Variants in PFKL observed in about 807,000 individuals in gnomAD.
PFKL encodes the protein phosphofructokinase, liver type, also known as ATP-dependent 6-phosphofructokinase, liver type.
Under a neutral mutation model 92.1 loss-of-function variants are expected in PFKL, and 74 were observed. The observed-to-expected ratio is 0.80, with a 90% CI of 0.67 to 0.97. PFKL has a LOEUF of 0.97. Among genes scored for constraint, PFKL ranks in the 50% least tolerant of loss-of-function variants. The pLI, the probability that PFKL is intolerant of heterozygous loss-of-function variation, is 0.00. For missense variants in PFKL, 1,028 were observed against 1,116.6 expected, an observed-to-expected ratio of 0.92 and a Z score of 1.13; for synonymous variants, 494 against 456.4, an observed-to-expected ratio of 1.08 and a Z score of -1.05.
Position 44,305,712 on chromosome 21 carries a change from G to A in PFKL, c.86-969G>A, listed in dbSNP as rs116235911. ...TTGTATGAAGTCATGGATATCTTTT[G>A]AGATGGGGGCTCTCGGGAAGAAGGT... On this transcript the variant is annotated intron_variant, in intron 1 of 21. Transcript: ENST00000349048. The A allele has an allele frequency of 2.0e-3, 2,511 of 1,247,712 alleles. 42 individuals are homozygous for A. In the African/African-American group the frequency reaches 0.035, roughly 18 times the overall value. The allele number at this position is 1,247,712 out of a possible 1,614,324, so 77.3% of individuals were successfully genotyped here.
chr21:44,311,295 CGCACAGACACAGACACGT>C (rs1466162823), intron 3 of PFKL, among the ~76,000 whole-genome samples: 10 of 150,738 alleles, frequency 6.6e-5, no homozygotes, highest in African/African-American at 2.5e-4. Flanking sequence ...CACACAGGCG[CGCACAGACACAGACACGT>C]GCACAGACAC....
rs2047447237 is a variant in PFKL at position 44,324,602 on chromosome 21, G to A, written c.1762G>A (p.Gly588Arg). 3 of 1,612,374 alleles carry A rather than the reference G, an allele frequency of 1.9e-6. No individual in the cohort carries two copies. Among genetic ancestry groups the A allele is most frequent in the Non-Finnish European group, 1.7e-6 (2 of 1,179,362 alleles). ...GGCCACCGTGACTGGCATTGCTGTG[G>A]GGGCCGACGCCGCCTACGTCTTCGA... ...YLATVTGIAVGADAAYVFEDP... is the reference protein window; with the variant it reads ...YLATVTGIAVRADAAYVFEDP... Residue 588 changes from glycine to arginine, a missense_variant, in exon 17 of 22, where the codon GGG becomes AGG. Transcript: ENST00000349048.
At chr21:44,309,686 T>G (rs961492029) in intron 2 of PFKL, among the ~76,000 whole-genome samples, 1 of 152,162 alleles carries the variant, frequency 6.6e-6, no homozygotes, top group African/African-American at 2.4e-5. Context: ...GGCCTCCTGC[T>G]CAGGTGGGGC....
At position 44,323,037 on chromosome 21, in the gene PFKL, C is replaced by T. The variant is rs550842823; in HGVS notation, c.1485C>T (p.Val495=). 34 of 1,612,872 alleles carry T rather than the reference C, an allele frequency of 2.1e-5. No individual in the cohort carries two copies. Among genetic ancestry groups the T allele is most frequent in the Admixed American group, 1.8e-4 (11 of 60,008 alleles). ...ATGGTATTCACGCCCTGCTGGTGGT[C>T]GGTGGGTTTGAGGTGAGAGCTGCCC... ...RIYGIHALLV[V]GGFEAYEGVL... The change falls in exon 15 of 22, where the codon GTC becomes GTT. Residue 495 remains valine, a synonymous_variant. Coordinates refer to ENST00000349048, the MANE Select transcript of PFKL (RefSeq NM_002626.6).
rs779823260 is a variant in PFKL, at chr21:44,326,194, G to A, written c.2125G>A (p.Val709Met). The change falls in exon 21 of 22, where the codon GTG becomes ATG. Residue 709 changes from valine to methionine, a missense_variant. Coordinates refer to ENST00000349048, the MANE Select transcript of PFKL (RefSeq NM_002626.6). Reference protein sequence around the residue: ...VFANAPDSACVIGLKKKAVAF... With the variant: ...VFANAPDSACMIGLKKKAVAF... ...CGCCAATGCCCCAGACTCGGCCTGCGTGATCGGCCTGAAGAAGAAGGCGGT... is the reference window on the plus strand; with the variant it reads ...CGCCAATGCCCCAGACTCGGCCTGCATGATCGGCCTGAAGAAGAAGGCGGT... The A allele has an allele frequency of 9.9e-6, 16 of 1,612,962 alleles. No homozygotes were observed. The highest frequency in any genetic ancestry group is 1.6e-4 in the Middle Eastern group (1 of 6,084).
At chr21:44,300,981 AGGATTTAGGAGACCAGAAGTGAG>A (rs2040758683) in intron 1 of PFKL, among the ~76,000 whole-genome samples, 1 of 151,986 alleles carries the variant, frequency 6.6e-6, no homozygotes, top group African/African-American at 2.4e-5. Context: ...GAGAGAGGAG[AGGATTTAGGAGACCAGAAGTGAG>A]GTGCTGGGTT....
At chr21:44,318,695 CG>C in intron 10 of PFKL, 100 bp downstream of exon 10, 1 of 1,086,962 alleles carries the variant, frequency 9.2e-7, no homozygotes, top group Non-Finnish European at 1.2e-6. Context: ...CTGTGAGCAC[CG>C]GAGGGCAGGG....
chr21:44,313,577 G>A (rs1394318065), intron 5 of PFKL, 61 bp from the exon 6 acceptor site: 5 of 1,542,468 alleles, frequency 3.2e-6, no homozygotes, highest in Non-Finnish European at 4.4e-6. Flanking sequence ...ACCCCGCAGG[G>A]AATCGGGCTG....
chr21:44,302,467 G>T (rs2146409742), intron 1 of PFKL, among the ~76,000 whole-genome samples: 1 of 152,256 alleles, frequency 6.6e-6, no homozygotes, highest in South Asian at 2.1e-4. Flanking sequence ...GCTCTCCCAG[G>T]CCACCACTGC....
intron 16 of PFKL, 193 bp from the exon 17 acceptor site, chr21:44,324,298 C>T (rs949575339): frequency 2.1e-5 from 13 of 615,424 alleles, no homozygotes; most frequent in South Asian, 1.2e-4. Flanking sequence ...GGGGTGGGGT[C>T]GCCTGGTTGA....
chr21:44,306,764 A>C lies in PFKL; in HGVS notation c.159+10A>C, dbSNP rs781413630. 2.5e-6 allele frequency: 4 copies of C among 1,612,666 alleles called. No individual in the cohort carries two copies. In the South Asian group the frequency reaches 3.3e-5, roughly 13 times the overall value. ...CTTCCTCATCTACGAGGTAAGGCCAAGGTGGGCTGTGTGTGTGCAGGGAGT... is the reference window on the plus strand; with the variant it reads ...CTTCCTCATCTACGAGGTAAGGCCACGGTGGGCTGTGTGTGTGCAGGGAGT... On this transcript the variant is annotated intron_variant, in intron 2 of 21. Coordinates refer to ENST00000349048, the MANE Select transcript of PFKL (RefSeq NM_002626.6).
At chr21:44,306,180 C>A (rs973874802) in intron 1 of PFKL, among the ~76,000 whole-genome samples, 1 of 82,518 alleles carries the variant, frequency 1.2e-5, no homozygotes, top group Non-Finnish European at 2.4e-5. Context: ...CACTTTTTAT[C>A]CTGCTCTGTG....
At position 44,310,993 on chromosome 21, in the gene PFKL, C is replaced by T. The variant is rs974402651; in HGVS notation, c.160-13C>T. ...GGTCCCCTATCTCATGCCTGCCCCA[C>T]TCTTGATTTCAGGGCTATGAGGGCC... On this transcript the variant is annotated splice_polypyrimidine_tract_variant and intron_variant, in intron 2 of 21. Coordinates refer to ENST00000349048, the MANE Select transcript of PFKL (RefSeq NM_002626.6). 2 of 1,609,880 alleles carry T rather than the reference C, an allele frequency of 1.2e-6. No individual in the cohort carries two copies. The highest frequency in any genetic ancestry group is 1.3e-5 in the African/African-American group (1 of 74,776).
rs1320475789 is a variant in PFKL, at chr21:44,324,478, C to T, written c.1651-13C>T. 1.2e-6 allele frequency: 2 copies of T among 1,612,714 alleles called. No individual in the cohort carries two copies. The highest frequency in any genetic ancestry group is 1.7e-5 in the Admixed American group (1 of 59,966). On this transcript the variant is annotated splice_polypyrimidine_tract_variant and intron_variant, in intron 16 of 21. Transcript: ENST00000349048. ...GGCACGTGGAGGACCCCCGACCCCC[C>T]CTTGTCCCCCAGAGCTGTGACCGCA...
rs986861863 is a variant in PFKL, at chr21:44,314,014, T to C, written c.740T>C (p.Leu247Pro). The C allele has an allele frequency of 1.3e-6, 2 of 1,599,326 alleles. No homozygotes were observed. Among genetic ancestry groups the C allele is most frequent in the Non-Finnish European group, 1.7e-6 (2 of 1,173,630 alleles). ...TGGGAGAACTTCATGTGTGAGAGGC[T>C]GGGTGAGGTGGGTGCCGTCCAGCCT... Reference protein sequence around the residue: ...DGWENFMCERLGETRSRGSRL... With the variant: ...DGWENFMCERPGETRSRGSRL... The change falls in exon 7 of 22, where the codon CTG becomes CCG. Residue 247 changes from leucine (L) to proline (P), a missense_variant. Transcript: ENST00000349048.
At chr21:44,305,493 A>C (rs1365085106) in intron 1 of PFKL, 2 of 1,230,752 alleles carry the variant, frequency 1.6e-6, no homozygotes, top group Admixed American at 2.3e-5. Context: ...GCTTGGGGAC[A>C]GAGGACCCGC....
At chr21:44,313,225 C>T (rs2047104518) in intron 5 of PFKL, 82 bp downstream of exon 5, 12 of 1,475,234 alleles carry the variant, frequency 8.1e-6, no homozygotes, top group Non-Finnish European at 1.1e-5. Flanking sequence ...TGACGGCCAT[C>T]TGCAAGGGCA....
chr21:44,312,399 C>T (rs748632007), intron 4 of PFKL, 105 bp downstream of exon 4: 40 of 1,099,418 alleles, frequency 3.6e-5, no homozygotes, highest in African/African-American at 1.2e-4. Flanking sequence ...CTGGGTGCCC[C>T]GAGGCAGAGG....
chr21:44,300,377 T>C (rs1381223631), intron 1 of PFKL, among the ~76,000 whole-genome samples, 187 bp downstream of exon 1: 2 of 151,652 alleles, frequency 1.3e-5, no homozygotes, highest in Non-Finnish European at 2.9e-5. Context: ...GTCTCCGGCC[T>C]ACGTGCGGCC....
Sources: allele counts gnomAD v4.1 joint callset (sites outside exome capture counted in the v4.1 genomes callset), GRCh38; gene constraint gnomAD v4.1.1; transcripts MANE v1.5; gene names NCBI Gene and HGNC (gene_info 2026-07-23, HGNC 2026-07-21).